Variants in KLHL1 observed in about 807,000 individuals in gnomAD.
The protein encoded by KLHL1 is kelch-like protein 1.
Under a neutral mutation model 77.7 loss-of-function variants are expected in KLHL1, and 47 were observed. The observed-to-expected ratio is 0.60, with a 90% CI of 0.48 to 0.77. The LOEUF (loss-of-function observed/expected upper bound fraction) is 0.77. Among genes scored for constraint, KLHL1 ranks in the 30% least tolerant of loss-of-function variants. KLHL1 has a pLI of 0.00. For synonymous variants in KLHL1, 360 were observed against 325.2 expected (o/e 1.11, Z -1.15); for missense variants, 925 against 910.8 (o/e 1.02, Z -0.20).
At chr13:69,818,564 C>G (rs1229935818) in intron 6 of KLHL1, among the ~76,000 whole-genome samples, 1 of 152,116 alleles carries the variant, frequency 6.6e-6, no homozygotes, top group Non-Finnish European at 1.5e-5. Context: ...TGCAGATATC[C>G]TGTCTTAACT....
intron 6 of KLHL1, among the ~76,000 whole-genome samples, chr13:69,810,443 G>A (rs9529644): frequency 0.019 from 2,867 of 152,070 alleles, 65 homozygotes; most frequent in Middle Eastern, 0.048. Context: ...ATGACTTTTG[G>A]TTAAAAAACA....
intron 4 of KLHL1, among the ~76,000 whole-genome samples, chr13:69,922,860 T>A (rs1460243726): frequency 1.3e-5 from 2 of 152,202 alleles, no homozygotes; most frequent in African/African-American, 4.8e-5. Flanking sequence ...AGTACTTTCA[T>A]GGAAAGTTAC....
chr13:69,891,166 T>C (rs1420504760), intron 4 of KLHL1, among the ~76,000 whole-genome samples: 1 of 151,976 alleles, frequency 6.6e-6, no homozygotes, highest in Non-Finnish European at 1.5e-5. Flanking sequence ...CTCTGCCGAG[T>C]TTTCCTTACC....
chr13:69,757,817 C>T (rs547653226), intron 7 of KLHL1, among the ~76,000 whole-genome samples: 19 of 151,628 alleles, frequency 1.3e-4, no homozygotes, highest in Admixed American at 3.9e-4. Context: ...ATTAGCTTGG[C>T]GTGGTGGCAG....
intron 6 of KLHL1, among the ~76,000 whole-genome samples, chr13:69,824,858 A>G (rs1302369798): frequency 6.6e-6 from 1 of 152,138 alleles, no homozygotes; most frequent in Non-Finnish European, 1.5e-5. Flanking sequence ...GTGAAAACTC[A>G]CTTAAAGGAC....
chr13:69,721,074 T>TATATATATATATATATATATATAC (rs1375896486), intron 8 of KLHL1, among the ~76,000 whole-genome samples: 1 of 60,740 alleles, frequency 1.6e-5, no homozygotes, highest in Non-Finnish European at 3.8e-5. Context: ...TATATATATA[T>TATATATATATATATATATATATAC]ATATAAAGCT....
chr13:69,959,870 CT>C (rs1884010484), intron 3 of KLHL1, among the ~76,000 whole-genome samples: 2 of 151,942 alleles, frequency 1.3e-5, no homozygotes, highest in Admixed American at 1.3e-4. Flanking sequence ...TTGGCCTGTG[CT>C]CTCCCTCTGA....
At chr13:70,052,463 C>G (rs1378724372) in intron 1 of KLHL1, among the ~76,000 whole-genome samples, 1 of 151,344 alleles carries the variant, frequency 6.6e-6, no homozygotes, top group African/African-American at 2.4e-5. Context: ...TTAAAAAAAA[C>G]CCTTATATAT....
At chr13:69,730,919 C>A (rs1180631423) in intron 8 of KLHL1, among the ~76,000 whole-genome samples, 2 of 151,924 alleles carry the variant, frequency 1.3e-5, no homozygotes, top group African/African-American at 4.8e-5. Context: ...GTTTTACTAT[C>A]CATGAATAGA....
At chr13:69,895,431 A>G (rs964560528) in intron 4 of KLHL1, among the ~76,000 whole-genome samples, 1 of 152,182 alleles carries the variant, frequency 6.6e-6, no homozygotes, top group Non-Finnish European at 1.5e-5. Flanking sequence ...CCATTGGCAC[A>G]TTTAACAGAG....
chr13:70,047,665 C>T (rs959682054), intron 1 of KLHL1, among the ~76,000 whole-genome samples: 3 of 152,082 alleles, frequency 2.0e-5, no homozygotes, highest in Non-Finnish European at 2.9e-5. Flanking sequence ...TTTCTGAACA[C>T]GGTGCTTTAA....
intron 2 of KLHL1, 30 bp from the exon 3 acceptor site, chr13:69,961,474 C>A (rs750811858): frequency 6.2e-7 from 1 of 1,610,516 alleles, no homozygotes; most frequent in South Asian, 1.1e-5. Context: ...TAATTTAGGT[C>A]GTGAATGTAA....
intron 4 of KLHL1, among the ~76,000 whole-genome samples, chr13:69,895,776 G>A (rs1329720431): frequency 6.8e-5 from 10 of 148,104 alleles, no homozygotes; most frequent in East Asian, 2.0e-4. Flanking sequence ...GTGTGGTCTC[G>A]GCTCACTGCA....
At chr13:69,842,037 C>A (rs971777779) in intron 5 of KLHL1, among the ~76,000 whole-genome samples, 2 of 151,650 alleles carry the variant, frequency 1.3e-5, no homozygotes, top group Non-Finnish European at 2.9e-5. Flanking sequence ...CAAAAATCAA[C>A]CCAAAATGAA....
At chr13:69,991,767 A>G (rs1166500949) in intron 1 of KLHL1, among the ~76,000 whole-genome samples, 1 of 151,998 alleles carries the variant, frequency 6.6e-6, no homozygotes, top group Non-Finnish European at 1.5e-5. Flanking sequence ...ATTCCAAAAA[A>G]TTGAGGCGGA....
chr13:69,953,967 T>C (rs947174559), intron 3 of KLHL1, among the ~76,000 whole-genome samples: 1 of 151,292 alleles, frequency 6.6e-6, no homozygotes, highest in Non-Finnish European at 1.5e-5. Context: ...AGTTTGCTCC[T>C]TAAAATAACC....
intron 1 of KLHL1, among the ~76,000 whole-genome samples, chr13:70,084,002 A>G (rs1887457740): frequency 6.6e-6 from 1 of 152,168 alleles, no homozygotes; most frequent in African/African-American, 2.4e-5. Flanking sequence ...AGTCACTCAA[A>G]ACGCAAAAAT....
At chr13:69,957,225 T>C (rs1195400633) in intron 3 of KLHL1, among the ~76,000 whole-genome samples, 1 of 151,720 alleles carries the variant, frequency 6.6e-6, no homozygotes, top group Non-Finnish European at 1.5e-5. Context: ...ATTTGACACA[T>C]CTAAACTGAG....
chr13:69,889,862 T>C (rs1177460114), intron 4 of KLHL1, among the ~76,000 whole-genome samples: 53 of 152,080 alleles, frequency 3.5e-4, no homozygotes, highest in Non-Finnish European at 4.4e-5. Flanking sequence ...AAGGAACACA[T>C]AAGTGTTAGC....
Sources: allele counts gnomAD v4.1 joint callset (sites outside exome capture counted in the v4.1 genomes callset), GRCh38; gene constraint gnomAD v4.1.1; transcripts MANE v1.5; gene names NCBI Gene and HGNC (gene_info 2026-07-23, HGNC 2026-07-21).